Variants in NRG3 observed in about 807,000 individuals in gnomAD.
NRG3 encodes neuregulin 3.
In NRG3, 31 loss-of-function variants were observed where a neutral mutation model predicts 66.9. The observed-to-expected ratio is 0.46, with a 90% CI of 0.35 to 0.63. The LOEUF (loss-of-function observed/expected upper bound fraction) is 0.63. Among genes scored for constraint, NRG3 ranks in the 20% least tolerant of loss-of-function variants. NRG3 has a pLI of 0.00. For synonymous variants in NRG3, 393 were observed against 359.4 expected (o/e 1.09, Z -1.06); for missense variants, 910 against 878.9 (o/e 1.04, Z -0.45).
chr10:82,861,249 T>A (rs1564576577), intron 3 of NRG3, among the ~76,000 whole-genome samples: 2 of 152,042 alleles, frequency 1.3e-5, no homozygotes, highest in Non-Finnish European at 2.9e-5. Context: ...GTATGTCCAG[T>A]GGTGTCAGTT....
chr10:82,366,469 G>A (rs1011770361), intron 2 of NRG3, among the ~76,000 whole-genome samples: 5 of 152,068 alleles, frequency 3.3e-5, no homozygotes, highest in African/African-American at 1.2e-4. Flanking sequence ...TGACAAATTA[G>A]CAATTTTCTA....
chr10:82,070,242 T>G (rs1398362805), intron 1 of NRG3, among the ~76,000 whole-genome samples: 1 of 152,150 alleles, frequency 6.6e-6, no homozygotes, highest in Non-Finnish European at 1.5e-5. Flanking sequence ...AGTTACTTTT[T>G]CCACATTGAG....
At chr10:82,027,379 A>G (rs1217920460) in intron 1 of NRG3, among the ~76,000 whole-genome samples, 2 of 152,060 alleles carry the variant, frequency 1.3e-5, no homozygotes, top group Non-Finnish European at 2.9e-5. Flanking sequence ...AACTGTTTAC[A>G]TGGCCTACTT....
chr10:82,087,640 A>T (rs2065803388), intron 1 of NRG3, among the ~76,000 whole-genome samples: 1 of 152,178 alleles, frequency 6.6e-6, no homozygotes, highest in Non-Finnish European at 1.5e-5. Context: ...AGTATTCTGC[A>T]GTGCACATAG....
chr10:82,898,748 GTC>G (rs1259823565), intron 4 of NRG3, among the ~76,000 whole-genome samples: 1 of 128,964 alleles, frequency 7.8e-6, no homozygotes, highest in African/African-American at 3.1e-5. Context: ...TTGAGACAGA[GTC>G]TCGCTCTGTC....
chr10:82,408,869 T>C (rs1467667188), intron 2 of NRG3, among the ~76,000 whole-genome samples: 1 of 152,016 alleles, frequency 6.6e-6, no homozygotes, highest in African/African-American at 2.4e-5. Context: ...TTTTGCAGAA[T>C]AGGAAATCTA....
chr10:82,392,874 G>T (rs2086471982), intron 2 of NRG3, among the ~76,000 whole-genome samples: 1 of 145,798 alleles, frequency 6.9e-6, no homozygotes, highest in African/African-American at 2.7e-5. Context: ...TGCTGGAGGT[G>T]AGGTCATATA....
rs137870683 is a variant in NRG3, at chr10:82,857,210, G to T, written c.1028-8201G>T. On this transcript the variant is annotated intron_variant, in intron 3 of 8. Coordinates refer to ENST00000372141, the MANE Select transcript of NRG3 (RefSeq NM_001010848.4). ...TTGAGTTTGCTGTATACCAATATGG[G>T]GGTGCAGTCTCCATGGCTGCCTGCT... Among the ~76,000 whole-genome samples the T allele has an allele frequency of 6.6e-5, 10 of 152,238 alleles. 1 individual carries two copies. In the Middle Eastern group the frequency reaches 0.01, roughly 155 times the overall value.
intron 1 of NRG3, among the ~76,000 whole-genome samples, chr10:81,996,833 A>G (rs1234578965): frequency 6.6e-6 from 1 of 152,132 alleles, no homozygotes; most frequent in Admixed American, 6.6e-5. Context: ...CTATATCATC[A>G]TTTTGGAACC....
chr10:82,287,043 G>A (rs2079455824), intron 1 of NRG3, among the ~76,000 whole-genome samples: 1 of 152,224 alleles, frequency 6.6e-6, no homozygotes, highest in African/African-American at 2.4e-5. Flanking sequence ...GAACTGGGCA[G>A]TAGGAACTGC....
At chr10:82,413,576 G>A (rs1379625533) in intron 2 of NRG3, among the ~76,000 whole-genome samples, 1 of 152,046 alleles carries the variant, frequency 6.6e-6, no homozygotes, top group African/African-American at 2.4e-5. Context: ...GAGAGTCAGC[G>A]GTTCCTTTGA....
chr10:82,722,367 T>G (rs1393834246), intron 2 of NRG3, among the ~76,000 whole-genome samples: 3 of 152,220 alleles, frequency 2.0e-5, no homozygotes, highest in African/African-American at 7.2e-5. Flanking sequence ...GCTATAATAT[T>G]GAGCGATTCT....
At chr10:82,367,550 GAT>G (rs1436984570) in intron 2 of NRG3, among the ~76,000 whole-genome samples, 1 of 151,854 alleles carries the variant, frequency 6.6e-6, no homozygotes, top group African/African-American at 2.4e-5. Flanking sequence ...CTTTTTAAAA[GAT>G]AAATATTTTT....
intron 1 of NRG3, among the ~76,000 whole-genome samples, chr10:82,301,869 T>C (rs2080424376): frequency 6.6e-6 from 1 of 151,890 alleles, no homozygotes; most frequent in South Asian, 2.1e-4. Flanking sequence ...TTTAAGCTAT[T>C]GATCATCACA....
chr10:82,260,846 G>A (rs959810452), intron 1 of NRG3, among the ~76,000 whole-genome samples: 1 of 152,298 alleles, frequency 6.6e-6, no homozygotes. Flanking sequence ...TGTGGTAAAG[G>A]AGTTCTGTGA....
chr10:82,674,937 A>ATTTATT (rs530269286), intron 2 of NRG3, among the ~76,000 whole-genome samples: 25 of 143,656 alleles, frequency 1.7e-4, no homozygotes, highest in African/African-American at 6.0e-4. Flanking sequence ...GGTTTTATTT[A>ATTTATT]TATTTATTTA....
At chr10:82,537,574 C>T (rs2043247263) in intron 2 of NRG3, among the ~76,000 whole-genome samples, 1 of 152,080 alleles carries the variant, frequency 6.6e-6, no homozygotes, top group Admixed American at 6.6e-5. Context: ...TATGAAACTC[C>T]TGGACTATTA....
intron 1 of NRG3, among the ~76,000 whole-genome samples, chr10:82,351,805 C>G (rs1395758330): frequency 6.6e-6 from 1 of 152,218 alleles, no homozygotes. Context: ...CAAGGCCACT[C>G]TGCACCCACA....
chr10:82,344,614 T>A (rs1320011285), intron 1 of NRG3, among the ~76,000 whole-genome samples: 1 of 140,118 alleles, frequency 7.1e-6, no homozygotes. Context: ...GTATTTCCAG[T>A]TCTAGATCCC....
Sources: allele counts gnomAD v4.1 joint callset (sites outside exome capture counted in the v4.1 genomes callset), GRCh38; gene constraint gnomAD v4.1.1; transcripts MANE v1.5; gene names NCBI Gene and HGNC (gene_info 2026-07-23, HGNC 2026-07-21).